RRM2B: variants seen among roughly 807,000 people sequenced by gnomAD.
RRM2B encodes the protein ribonucleotide reductase regulatory TP53 inducible subunit M2B.
RRM2B carries 20 observed loss-of-function variants against 45.9 expected under a neutral mutation model. The observed-to-expected ratio is 0.44, with a 90% CI of 0.31 to 0.63. RRM2B has a LOEUF of 0.63. Among genes scored for constraint, RRM2B ranks in the 30% least tolerant of loss-of-function variants. The probability of loss-of-function intolerance (pLI) is 0.09; values close to 1 mark genes in which losing one functional copy is unlikely to be tolerated. For missense variants in RRM2B, 320 were observed against 414.7 expected, an observed-to-expected ratio of 0.77 and a Z score of 1.98; for synonymous variants, 124 against 132.3, an observed-to-expected ratio of 0.94 and a Z score of 0.43.
intron 5 of RRM2B, among the ~76,000 whole-genome samples, chr8:102,219,242 CATGACT>C (rs1379461870): frequency 6.6e-6 from 1 of 152,204 alleles, no homozygotes; most frequent in Non-Finnish European, 1.5e-5. Context: ...GTGCACCACA[CATGACT>C]ATGAGTGCAG....
At position 102,232,134 on chromosome 8, in the gene RRM2B, G is replaced by A. The variant is rs1811041487; in HGVS notation, c.204+15C>T. 1.2e-6 allele frequency: 2 copies of A among 1,612,884 alleles called. No homozygotes were observed. Among genetic ancestry groups the A allele is most frequent in the Non-Finnish European group, 8.5e-7 (1 of 1,178,878 alleles). ...ACTATAGGATGTGAATGCTCTTGGA[G>A]GCAATGCCACGTACCTCTTCTGCTG... On this transcript the variant is annotated intron_variant, in intron 2 of 8. Coordinates refer to ENST00000251810, the MANE Select transcript of RRM2B (RefSeq NM_015713.5).
intron 5 of RRM2B, among the ~76,000 whole-genome samples, chr8:102,220,459 T>A (rs1205193220): frequency 6.6e-6 from 1 of 152,168 alleles, no homozygotes; most frequent in Non-Finnish European, 1.5e-5. Context: ...TTAGAGACAG[T>A]ATGGGGTCTT....
chr8:102,219,759 C>T lies in RRM2B; in HGVS notation c.551-812G>A, dbSNP rs186832923. Among the ~76,000 whole-genome samples, 36 of 152,310 alleles carry T rather than the reference C, an allele frequency of 2.4e-4. 1 individual carries two copies. The highest frequency in any genetic ancestry group is 2.4e-3 in the Admixed American group (36 of 15,300). On this transcript the variant is annotated intron_variant, in intron 5 of 8. Coordinates refer to ENST00000251810, the MANE Select transcript of RRM2B (RefSeq NM_015713.5). ...ATATGTCTAAGGAAAAAGGTTTGGT[C>T]TATAAGACGGTGAGATACAGGCAGC... is the stretch of plus-strand genomic sequence containing the variant.
intron 2 of RRM2B, among the ~76,000 whole-genome samples, chr8:102,229,270 A>T (rs1286127243): frequency 6.8e-6 from 1 of 146,622 alleles, no homozygotes; most frequent in Non-Finnish European, 1.5e-5. Context: ...AACAACAACA[A>T]CAACAAAAAA....
rs1250295101 is a variant in RRM2B, at chr8:102,207,065, G to C, written c.*1068C>G. 6.6e-6 allele frequency: 1 copy of C among 152,032 alleles called. No individual in the cohort carries two copies. The highest frequency in any genetic ancestry group is 2.4e-5 in the African/African-American group (1 of 41,380). The allele number at this position is 152,032 out of a possible 1,614,324, so 9.4% of individuals were successfully genotyped here. On this transcript the variant is annotated 3_prime_UTR_variant, in exon 9 of 9. Transcript: ENST00000251810. ...TCTCGGCCAGCTTTTTCCAATCTTT[G>C]TTCTGAGGAACACTAGCTGGGTGAG...
chr8:102,236,727 T>C (rs1255314633), intron 1 of RRM2B, among the ~76,000 whole-genome samples: 1 of 152,218 alleles, frequency 6.6e-6, no homozygotes, highest in Non-Finnish European at 1.5e-5. Context: ...TGTAAAGTGA[T>C]GAGAATTTGA....
At chr8:102,234,897 G>T (rs1587188504) in intron 1 of RRM2B, 1 of 154,138 alleles carries the variant, frequency 6.5e-6, no homozygotes, top group East Asian at 1.9e-4. Context: ...TGAGAGAGCA[G>T]CCTACTAGAC....
chr8:102,226,077 T>G (rs1257290952), intron 2 of RRM2B, 43 bp from the exon 3 acceptor site: 1 of 1,217,206 alleles, frequency 8.2e-7, no homozygotes, highest in South Asian at 1.2e-5. Flanking sequence ...TGGAGTTAAG[T>G]TCTTCTCAAA....
chr8:102,227,875 G>A (rs937321569), intron 2 of RRM2B, among the ~76,000 whole-genome samples: 2 of 151,990 alleles, frequency 1.3e-5, no homozygotes, highest in Non-Finnish European at 2.9e-5. Context: ...CTATTCATGA[G>A]GGCTCCACCC....
At chr8:102,233,899 C>T (rs1424873699) in intron 1 of RRM2B, among the ~76,000 whole-genome samples, 1 of 152,150 alleles carries the variant, frequency 6.6e-6, no homozygotes, top group African/African-American at 2.4e-5. Flanking sequence ...TAGATCACTG[C>T]AGTCTCAAAC....
chr8:102,224,455 T>C (rs1810891099), intron 4 of RRM2B, among the ~76,000 whole-genome samples: 2 of 150,750 alleles, frequency 1.3e-5, no homozygotes, highest in African/African-American at 2.4e-5. Flanking sequence ...ATTACAGCCA[T>C]GAGCCACCAT....
intron 6 of RRM2B, 120 bp downstream of exon 6, chr8:102,218,694 C>T (rs1277320393): frequency 1.2e-6 from 1 of 838,066 alleles, no homozygotes; most frequent in Non-Finnish European, 1.9e-6. Context: ...CCACTGTATG[C>T]CAGCCTGGGT....
intron 3 of RRM2B, among the ~76,000 whole-genome samples, chr8:102,225,377 G>C (rs1783763293): frequency 6.6e-6 from 1 of 151,896 alleles, no homozygotes; most frequent in Admixed American, 6.6e-5. Flanking sequence ...GGGGCTACAG[G>C]CATGCGCCAA....
chr8:102,236,856 G>A (rs1811130206), intron 1 of RRM2B, among the ~76,000 whole-genome samples: 1 of 152,164 alleles, frequency 6.6e-6, no homozygotes, highest in Admixed American at 6.5e-5. Context: ...GCCTGGGCAT[G>A]TCAGGACAAC....
At chr8:102,209,942 GCAGAATAGGCAAATCTACAGACA>G (rs1212479034) in intron 8 of RRM2B, among the ~76,000 whole-genome samples, 1 of 152,100 alleles carries the variant, frequency 6.6e-6, no homozygotes, top group South Asian at 2.1e-4. Context: ...ATCTACAGAC[GCAGAATAGGCAAATCTACAGACA>G]CAAAAATTAG....
chr8:102,234,172 A>C (rs565481146), intron 1 of RRM2B, among the ~76,000 whole-genome samples: 1 of 152,326 alleles, frequency 6.6e-6, no homozygotes, highest in African/African-American at 2.4e-5. Flanking sequence ...TCAGCACCAA[A>C]TGCCCTGACG....
chr8:102,217,320 CA>C (rs750977013), intron 6 of RRM2B, among the ~76,000 whole-genome samples: 2 of 151,878 alleles, frequency 1.3e-5, no homozygotes, highest in Admixed American at 6.6e-5. Context: ...TTCAACAAAA[CA>C]GTAAATGTAG....
intron 1 of RRM2B, among the ~76,000 whole-genome samples, chr8:102,237,355 T>A (rs1285745239): frequency 6.6e-6 from 1 of 151,974 alleles, no homozygotes; most frequent in Non-Finnish European, 1.5e-5. Flanking sequence ...CAGTGGGGGG[T>A]TTTTTGTTTT....
At position 102,213,390 on chromosome 8, in the gene RRM2B, T is replaced by A. The variant is rs29000272; in HGVS notation, c.790-501A>T. 1.0e-3 allele frequency among the ~76,000 whole-genome samples: 159 copies of A among 152,266 alleles called. 1 individual carries two copies. Among genetic ancestry groups the A allele is most frequent in the African/African-American group, 3.6e-3 (148 of 41,568 alleles). On this transcript the variant is annotated intron_variant, in intron 7 of 8. Transcript: ENST00000251810. ...AGACTATATAGTGGTAAAGCGTTAA[T>A]AGAGGAAAAATAAAAATATATTAAC...
Sources: gnomAD v4.1 joint callset for allele counts (sites outside exome capture counted in the v4.1 genomes callset) on GRCh38, gnomAD v4.1.1 for gene constraint, MANE v1.5 for transcripts, NCBI Gene and HGNC (gene_info 2026-07-23, HGNC 2026-07-21) for gene names.